ADGRB3: variants seen among roughly 807,000 people sequenced by gnomAD.
ADGRB3 encodes the protein adhesion G protein-coupled receptor B3, also known as brain-specific angiogenesis inhibitor 3.
Under a neutral mutation model 193.4 loss-of-function variants are expected in ADGRB3, and 37 were observed. The ratio of observed to expected loss-of-function variants is 0.19; its 90% CI spans 0.15 to 0.25. The LOEUF is 0.25. Ranked by LOEUF, ADGRB3 falls within the 10% of genes least tolerant of loss-of-function variation. The probability of loss-of-function intolerance (pLI) is 1.00; values close to 1 mark genes in which losing one functional copy is unlikely to be tolerated. For synonymous variants in ADGRB3, 690 were observed against 644.2 expected (o/e 1.07, Z -1.08); for missense variants, 1,637 against 1,852.9 (o/e 0.88, Z 2.14).
At chr6:69,102,638 G>A (rs553253596) in intron 17 of ADGRB3, among the ~76,000 whole-genome samples, 3 of 152,274 alleles carry the variant, frequency 2.0e-5, no homozygotes, top group East Asian at 3.9e-4. Flanking sequence ...GAGCAGCAGG[G>A]CCACCAAGGT....
chr6:68,928,754 G>A (rs1395918278), intron 3 of ADGRB3, among the ~76,000 whole-genome samples: 1 of 152,112 alleles, frequency 6.6e-6, no homozygotes, highest in African/African-American at 2.4e-5. Flanking sequence ...ACCTTAGTGT[G>A]AGCATCAGAG....
intron 3 of ADGRB3, among the ~76,000 whole-genome samples, chr6:68,818,617 C>T (rs1376224820): frequency 1.3e-5 from 2 of 152,018 alleles, no homozygotes; most frequent in Admixed American, 1.3e-4. Flanking sequence ...CTTGTGCCCT[C>T]AAAAGTTTTC....
At chr6:68,877,019 A>G (rs1406938162) in intron 3 of ADGRB3, among the ~76,000 whole-genome samples, 6 of 152,082 alleles carry the variant, frequency 3.9e-5, no homozygotes, top group African/African-American at 1.4e-4. Flanking sequence ...ATTTTGAAAC[A>G]CATCTTATAA....
At chr6:68,717,617 T>A (rs1039821703) in intron 3 of ADGRB3, among the ~76,000 whole-genome samples, 2 of 151,610 alleles carry the variant, frequency 1.3e-5, no homozygotes, top group African/African-American at 2.4e-5. Flanking sequence ...CATTTTTTTT[T>A]AAGAATTTCA....
At chr6:68,694,185 C>A (rs1765121150) in intron 3 of ADGRB3, among the ~76,000 whole-genome samples, 1 of 151,998 alleles carries the variant, frequency 6.6e-6, no homozygotes, top group Admixed American at 6.6e-5. Flanking sequence ...GTGTCATTTG[C>A]AAATTTAGGA....
rs377622464 is a variant in ADGRB3, at chr6:69,382,825, T to A, written c.4276-6T>A. 1.3e-4 allele frequency: 199 copies of A among 1,588,144 alleles called. No homozygotes were observed. Among genetic ancestry groups the A allele is most frequent in the Non-Finnish European group, 1.6e-4 (190 of 1,164,910 alleles). On this transcript the variant is annotated splice_polypyrimidine_tract_variant and splice_region_variant and intron_variant, in intron 30 of 31. Transcript: ENST00000370598. ...GGGATGAGAGCTATCTTGTTCTTTT[T>A]TGCAGAAGGTCATGCATACAAGGAA... is the stretch of plus-strand genomic sequence containing the variant.
At chr6:68,917,111 T>A (rs1766903558) in intron 3 of ADGRB3, among the ~76,000 whole-genome samples, 1 of 152,162 alleles carries the variant, frequency 6.6e-6, no homozygotes, top group South Asian at 2.1e-4. Flanking sequence ...GCTCTACCAC[T>A]GATTTTACAG....
chr6:69,108,524 G>A (rs953539872), intron 17 of ADGRB3, among the ~76,000 whole-genome samples: 6 of 151,922 alleles, frequency 3.9e-5, no homozygotes, highest in African/African-American at 9.7e-5. Flanking sequence ...AGTGAGAAAG[G>A]CATACACTAA....
At chr6:68,876,308 T>C (rs1049574895) in intron 3 of ADGRB3, among the ~76,000 whole-genome samples, 1 of 152,110 alleles carries the variant, frequency 6.6e-6, no homozygotes, top group East Asian at 1.9e-4. Context: ...TTTCTAAGTA[T>C]TGAAACTGAA....
chr6:69,031,063 T>TTTTTTC (rs1562128941), intron 13 of ADGRB3, among the ~76,000 whole-genome samples: 4 of 46,132 alleles, frequency 8.7e-5, no homozygotes, highest in Non-Finnish European at 1.8e-4. Context: ...TCTCTTCTCT[T>TTTTTTC]CTCTTCTCTT....
intron 3 of ADGRB3, among the ~76,000 whole-genome samples, chr6:68,778,818 C>T (rs1377476346): frequency 6.6e-6 from 1 of 152,040 alleles, no homozygotes; most frequent in African/African-American, 2.4e-5. Flanking sequence ...TGGTGGAGCA[C>T]AGAAGGCACT....
At chr6:68,873,937 A>G (rs959582485) in intron 3 of ADGRB3, among the ~76,000 whole-genome samples, 2 of 152,112 alleles carry the variant, frequency 1.3e-5, no homozygotes, top group African/African-American at 4.8e-5. Context: ...TAGTTAACAT[A>G]ACTCAGAAAA....
At chr6:69,150,657 T>A (rs751473260) in intron 17 of ADGRB3, among the ~76,000 whole-genome samples, 5 of 152,190 alleles carry the variant, frequency 3.3e-5, no homozygotes, top group Non-Finnish European at 5.9e-5. Context: ...CACTTTTACC[T>A]CTTCTTTCCT....
chr6:68,684,749 T>A (rs1582122172), intron 3 of ADGRB3, among the ~76,000 whole-genome samples: 1 of 152,270 alleles, frequency 6.6e-6, no homozygotes, highest in East Asian at 1.9e-4. Flanking sequence ...AATAGATTAT[T>A]TTTAAAAATA....
chr6:68,656,668 T>G (rs1768496235), intron 3 of ADGRB3, among the ~76,000 whole-genome samples: 1 of 151,520 alleles, frequency 6.6e-6, no homozygotes, highest in Non-Finnish European at 1.5e-5. Flanking sequence ...AAATTAAGAC[T>G]CTGATATTCT....
chr6:69,361,749 A>T (rs912722978), intron 29 of ADGRB3, among the ~76,000 whole-genome samples: 1 of 151,794 alleles, frequency 6.6e-6, no homozygotes, highest in Non-Finnish European at 1.5e-5. Flanking sequence ...TTGAAAAGGA[A>T]CCCATTATAT....
At chr6:69,015,148 A>C (rs182599379) in intron 12 of ADGRB3, among the ~76,000 whole-genome samples, 1 of 152,106 alleles carries the variant, frequency 6.6e-6, no homozygotes, top group East Asian at 1.9e-4. Context: ...CTTTCCTTAG[A>C]ATACAGCTGC....
chr6:69,036,683 A>G (rs1770881485), intron 13 of ADGRB3, among the ~76,000 whole-genome samples: 1 of 152,176 alleles, frequency 6.6e-6, no homozygotes, highest in Non-Finnish European at 1.5e-5. Context: ...GCGGAGACCC[A>G]TGGATAAGTA....
At chr6:69,184,786 TTGGGGCAGAACAGTATCCTTTA>T (rs1765035417) in intron 17 of ADGRB3, among the ~76,000 whole-genome samples, 2 of 152,220 alleles carry the variant, frequency 1.3e-5, no homozygotes, top group South Asian at 4.1e-4. Flanking sequence ...AAAAATATCC[TTGGGGCAGAACAGTATCCTTTA>T]TGGGGCAGAT....
Sources: gnomAD v4.1 joint callset for allele counts (sites outside exome capture counted in the v4.1 genomes callset) on GRCh38, gnomAD v4.1.1 for gene constraint, MANE v1.5 for transcripts, NCBI Gene and HGNC (gene_info 2026-07-23, HGNC 2026-07-21) for gene names.